RAD52: variants seen among roughly 807,000 people sequenced by gnomAD.
RAD52 encodes the protein DNA repair protein RAD52 homolog.
RAD52 carries 47 observed loss-of-function variants against 55.5 expected under a neutral mutation model. That is an observed-to-expected ratio of 0.85 (90% CI 0.67 to 1.08). The LOEUF (loss-of-function observed/expected upper bound fraction) is 1.08. Ranked by LOEUF, RAD52 falls within the 50% of genes least tolerant of loss-of-function variation. The pLI is 0.00. For missense variants in RAD52, 468 were observed against 522.8 expected (o/e 0.90, Z 1.02); for synonymous variants, 184 against 198.9 (o/e 0.92, Z 0.63).
At chr12:939,654 A>G (rs1957818937) in intron 1 of RAD52, among the ~76,000 whole-genome samples, 1 of 152,246 alleles carries the variant, frequency 6.6e-6, no homozygotes, top group Admixed American at 6.5e-5. Context: ...AAAATACTAC[A>G]AGCTTCTAAT....
intron 1 of RAD52, among the ~76,000 whole-genome samples, chr12:955,137 C>T (rs757047603): frequency 3.3e-5 from 5 of 152,106 alleles, no homozygotes; most frequent in Non-Finnish European, 5.9e-5. Context: ...CAATTGCACC[C>T]TATTGGGGGA....
At chr12:925,043 C>A in intron 7 of RAD52, among the ~76,000 whole-genome samples, 1 of 151,646 alleles carries the variant, frequency 6.6e-6, no homozygotes, top group East Asian at 1.9e-4. Context: ...CTCTGCCTCC[C>A]GGGTTCACGC....
At chr12:927,068 T>G in intron 6 of RAD52, 77 bp downstream of exon 6, 1 of 1,531,122 alleles carries the variant, frequency 6.5e-7, no homozygotes, top group African/African-American at 1.4e-5. Context: ...ATGTGTTACC[T>G]CTTCCAAAAA....
intron 1 of RAD52, among the ~76,000 whole-genome samples, chr12:985,206 T>C (rs1023360227): frequency 1.3e-4 from 20 of 152,336 alleles, no homozygotes; most frequent in African/African-American, 4.8e-4. Context: ...AGTGGCACAA[T>C]CATGGTTCAC....
At chr12:948,692 T>C (rs994106920) in intron 1 of RAD52, among the ~76,000 whole-genome samples, 3 of 151,934 alleles carry the variant, frequency 2.0e-5, no homozygotes, top group African/African-American at 7.2e-5. Flanking sequence ...AATTTAATTG[T>C]ACGTGAATTA....
chr12:916,751 A>G lies in RAD52; in HGVS notation c.613T>C (p.Tyr205His). The change falls in exon 8 of 12, where the codon TAC becomes CAC. Residue 205 changes from tyrosine to histidine, a missense_variant. By Grantham distance (83) the Tyr-to-His change is moderately conservative. Coordinates refer to ENST00000358495, the MANE Select transcript of RAD52 (RefSeq NM_134424.4). ...DLEPSVEEAR[Y>H]NSCRPNMALG... ...GCCATGTTCGGTCGGCAGCTGTTGT[A>G]TCTTGCCTCCTCCACAGACGGTTCA... 1 of 1,614,150 alleles carries G rather than the reference A, an allele frequency of 6.2e-7. No homozygotes were observed. The highest frequency in any genetic ancestry group is 8.5e-7 in the Non-Finnish European group (1 of 1,180,030).
At chr12:917,715 C>CAAA (rs35820418) in intron 7 of RAD52, among the ~76,000 whole-genome samples, 11 of 103,908 alleles carry the variant, frequency 1.1e-4, no homozygotes, top group African/African-American at 3.4e-4. Flanking sequence ...TACAAAAATA[C>CAAA]AAAAAAAAAA....
intron 3 of RAD52, among the ~76,000 whole-genome samples, chr12:931,015 C>A (rs953146786): frequency 3.3e-5 from 5 of 151,684 alleles, no homozygotes; most frequent in African/African-American, 1.2e-4. Flanking sequence ...CTTAAGACGG[C>A]GGTTATGCGA....
chr12:932,818 CACGTACTAGGTAAACGTACT>C (rs1416089526), intron 2 of RAD52, among the ~76,000 whole-genome samples, 137 bp downstream of exon 2: 45 of 68,556 alleles, frequency 6.6e-4, no homozygotes, highest in South Asian at 1.8e-3. Context: ...ACTGCTCACA[CACGTACTAGGTAAACGTACT>C]AGGTACTGCT....
chr12:964,122 G>A (rs556564508), intron 1 of RAD52, among the ~76,000 whole-genome samples: 3 of 152,290 alleles, frequency 2.0e-5, no homozygotes, highest in South Asian at 2.1e-4. Context: ...GTTCAGACAA[G>A]GCATTTAGGC....
intron 1 of RAD52, among the ~76,000 whole-genome samples, chr12:939,321 T>C (rs1957803561): frequency 6.6e-6 from 1 of 151,984 alleles, no homozygotes. Context: ...CGGCATATTT[T>C]TTATTTTTTG....
chr12:937,622 C>T (rs1411941587), intron 1 of RAD52, among the ~76,000 whole-genome samples: 18 of 152,178 alleles, frequency 1.2e-4, no homozygotes, highest in Middle Eastern at 3.4e-3. Flanking sequence ...GACGGGGTTT[C>T]GTCATGTTGG....
chr12:927,938 G>A (rs866032391), intron 5 of RAD52, among the ~76,000 whole-genome samples: 5 of 152,130 alleles, frequency 3.3e-5, no homozygotes, highest in Admixed American at 1.3e-4. Flanking sequence ...CTGTAAGGAC[G>A]GGAGAGCAAA....
intron 1 of RAD52, among the ~76,000 whole-genome samples, chr12:983,964 T>A (rs1415720660): frequency 6.6e-6 from 1 of 152,232 alleles, no homozygotes; most frequent in Non-Finnish European, 1.5e-5. Context: ...ACATAAGTTT[T>A]AAAATATTTA....
In RAD52 at chr12:983,146, G is replaced by A. The variant is rs548924196; in HGVS notation, c.-19+6663C>T. ...ATTACAGGTGTGAGCAGCTGCACAC[G>A]GCTCAATCAGGCTTTTTCCAGCACG... On this transcript the variant is annotated intron_variant, in intron 1 of 11. Coordinates refer to the RAD52 transcript ENST00000430095. Among the ~76,000 whole-genome samples the A allele has an allele frequency of 7.2e-5, 11 of 152,132 alleles. No homozygotes were observed. The South Asian group carries it at 1.2e-3, about 17-fold the overall frequency.
chr12:914,357 T>G, intron 10 of RAD52, 74 bp downstream of exon 10: 1 of 1,576,396 alleles, frequency 6.3e-7, no homozygotes, highest in East Asian at 2.3e-5. Context: ...AGGATTTTTA[T>G]GTCGCCTAAA....
chr12:961,104 G>A (rs544682675), intron 1 of RAD52, among the ~76,000 whole-genome samples: 3 of 151,206 alleles, frequency 2.0e-5, no homozygotes, highest in Admixed American at 2.0e-4. Context: ...GATCACCTGA[G>A]GTCAGGAGTG....
intron 1 of RAD52, chr12:936,717 G>C (rs143031249): frequency 6.6e-6 from 1 of 152,170 alleles, no homozygotes; most frequent in Non-Finnish European, 1.5e-5. Context: ...GGTTGGTCTT[G>C]AACTCCTGGG....
At chr12:923,866 T>A (rs893516589) in intron 7 of RAD52, among the ~76,000 whole-genome samples, 4 of 149,598 alleles carry the variant, frequency 2.7e-5, no homozygotes, top group Non-Finnish European at 5.9e-5. Flanking sequence ...AAGACCAGCC[T>A]GGCCAACAGG....
Sources: gnomAD v4.1 joint callset for allele counts (sites outside exome capture counted in the v4.1 genomes callset) on GRCh38, gnomAD v4.1.1 for gene constraint, MANE v1.5 for transcripts, NCBI Gene and HGNC (gene_info 2026-07-23, HGNC 2026-07-21) for gene names.